Variants in PAPSS1 observed in about 807,000 individuals in gnomAD.
PAPSS1 encodes the protein 3'-phosphoadenosine 5'-phosphosulfate synthase 1, also known as bifunctional 3'-phosphoadenosine 5'-phosphosulfate synthase 1.
PAPSS1 carries 50 observed loss-of-function variants against 72.0 expected under a neutral mutation model. The observed-to-expected ratio is 0.69, with a 90% CI of 0.55 to 0.88. The LOEUF (loss-of-function observed/expected upper bound fraction) is 0.88, where lower values mean the gene tolerates loss of function less well. Ranked by LOEUF, PAPSS1 falls within the 40% of genes least tolerant of loss-of-function variation. The pLI is 0.00. For missense variants in PAPSS1, 657 were observed against 782.2 expected, an observed-to-expected ratio of 0.84 and a Z score of 1.91; for synonymous variants, 261 against 263.6, an observed-to-expected ratio of 0.99 and a Z score of 0.09.
At chr4:107,621,874 C>T (rs780317828) in intron 11 of PAPSS1, among the ~76,000 whole-genome samples, 48 of 151,806 alleles carry the variant, frequency 3.2e-4, no homozygotes, top group Non-Finnish European at 3.2e-4. Flanking sequence ...GTAATCCACC[C>T]GCCTGAGCCT....
In PAPSS1 at chr4:107,660,076, T is replaced by C. The variant is rs78205830; in HGVS notation, c.670-4A>G. ...ATGCATCCACAGGTACAATATCCTA[T>C]ATAACAACAGGAGTACAATTTAAAT... On this transcript the variant is annotated splice_polypyrimidine_tract_variant and splice_region_variant and intron_variant, in intron 5 of 11. Coordinates refer to ENST00000265174, the MANE Select transcript of PAPSS1 (RefSeq NM_005443.5). 3.5e-4 allele frequency: 463 copies of C among 1,335,426 alleles called. No homozygotes were observed. The African/African-American group carries it at 5.2e-3, about 15-fold the overall frequency. The allele number at this position is 1,335,426 out of a possible 1,614,324, so 82.7% of individuals were successfully genotyped here.
At position 107,659,992 on chromosome 4, in the gene PAPSS1, A is replaced by G; in HGVS notation, c.750T>C (p.Asp250=). 6.2e-7 allele frequency: 1 copy of G among 1,605,624 alleles called. No homozygotes were observed. The highest frequency in any genetic ancestry group is 1.3e-5 in the African/African-American group (1 of 74,794). ...TTTTCAGTGCTGGTAATGTTTCCGCATCTGTTTTTGCCAAATGAAGTTTAT... is the reference window on the plus strand; with the variant it reads ...TTTTCAGTGCTGGTAATGTTTCCGCGTCTGTTTTTGCCAAATGAAGTTTAT... ...PENKLHLAKT[D]AETLPALKIN... Residue 250 remains aspartate, a synonymous_variant, in exon 6 of 12, where the codon GAT becomes GAC. Coordinates refer to ENST00000265174, the MANE Select transcript of PAPSS1 (RefSeq NM_005443.5).
Position 107,687,144 on chromosome 4 carries a change from C to T in PAPSS1, c.445G>A (p.Ala149Thr). 1 of 1,591,978 alleles carries T rather than the reference C, an allele frequency of 6.3e-7. No individual in the cohort carries two copies. Among genetic ancestry groups the T allele is most frequent in the East Asian group, 2.3e-5 (1 of 43,842 alleles). Residue 149 changes from alanine to threonine, a missense_variant, in exon 4 of 12, where the codon GCA becomes ACA. By Grantham distance (58) the Ala-to-Thr change is moderately conservative. This residue lies in a region of PAPSS1 where 119 missense variants were observed against 171.1 expected (regional missense o/e 0.70). Coordinates refer to ENST00000265174, the MANE Select transcript of PAPSS1 (RefSeq NM_005443.5). ...AATACTTCAAAAAACGGTAAACTTGCACCTTCATGAATTTGCCTTGCATTG... is the reference window on the plus strand; with the variant it reads ...AATACTTCAAAAAACGGTAAACTTGTACCTTCATGAATTTGCCTTGCATTG... ...RNNARQIHEGASLPFFEVFVD... is the reference protein window; with the variant it reads ...RNNARQIHEGTSLPFFEVFVD...
intron 9 of PAPSS1, among the ~76,000 whole-genome samples, chr4:107,645,409 CATAG>C (rs1214129080): frequency 1.3e-5 from 2 of 152,102 alleles, no homozygotes; most frequent in Non-Finnish European, 2.9e-5. Context: ...CACTGCTTAC[CATAG>C]ATAAACATTT....
intron 4 of PAPSS1, among the ~76,000 whole-genome samples, chr4:107,682,470 G>A (rs796598170): frequency 2.9e-4 from 44 of 152,282 alleles, no homozygotes; most frequent in African/African-American, 9.6e-4. Context: ...AACTGTGTCA[G>A]GTGTGTCGGA....
intron 11 of PAPSS1, 131 bp downstream of exon 11, chr4:107,631,500 T>G: frequency 1.6e-6 from 1 of 607,624 alleles, no homozygotes; most frequent in East Asian, 2.8e-5. Flanking sequence ...ATTACTTTTC[T>G]GGGTTTACCT....
In PAPSS1 at chr4:107,656,863, A is replaced by G. The variant is rs753252984; in HGVS notation, c.895+33T>C. 1.2e-5 allele frequency: 17 copies of G among 1,380,610 alleles called. No homozygotes were observed. In the African/African-American group the frequency reaches 1.3e-4, roughly 10 times the overall value. 85.5% of individuals were successfully genotyped at this position (1,380,610 alleles called of 1,614,324 possible). A position where few individuals can be genotyped will look rare whatever the true frequency, so the allele number is the denominator to read the frequency against. Reference sequence around the variant, plus strand: ...TGCAACTATGTAATTTCTCTTCCACATACAATATAATTTTGAATGTAAAAT... The same window carrying G: ...TGCAACTATGTAATTTCTCTTCCACGTACAATATAATTTTGAATGTAAAAT... On this transcript the variant is annotated intron_variant, in intron 7 of 11. Transcript: ENST00000265174.
At chr4:107,681,931 A>C (rs1025896632) in intron 5 of PAPSS1, 84 bp downstream of exon 5, 4 of 717,008 alleles carry the variant, frequency 5.6e-6, no homozygotes, top group African/African-American at 5.3e-5. Flanking sequence ...CTCAATATTA[A>C]CACCACCATT....
chr4:107,634,340 A>G (rs935266006), intron 10 of PAPSS1, among the ~76,000 whole-genome samples: 3 of 152,150 alleles, frequency 2.0e-5, no homozygotes, highest in Admixed American at 2.0e-4. Context: ...AAAAATAACA[A>G]ATACATACAT....
intron 1 of PAPSS1, among the ~76,000 whole-genome samples, chr4:107,702,647 T>G (rs1723234549): frequency 6.6e-6 from 1 of 152,156 alleles, no homozygotes; most frequent in Non-Finnish European, 1.5e-5. Flanking sequence ...CACTTAACAT[T>G]TTATCATCCA....
intron 5 of PAPSS1, among the ~76,000 whole-genome samples, chr4:107,661,278 T>C (rs1361353265): frequency 6.6e-6 from 1 of 152,212 alleles, no homozygotes; most frequent in Non-Finnish European, 1.5e-5. Flanking sequence ...ACAGCTACTT[T>C]GGAAAACATT....
chr4:107,695,630 T>C (rs185996834), intron 2 of PAPSS1, among the ~76,000 whole-genome samples: 38 of 152,308 alleles, frequency 2.5e-4, no homozygotes, highest in East Asian at 2.1e-3. Flanking sequence ...TATGGGTTTG[T>C]CATGAATAGC....
chr4:107,671,828 T>C (rs1292550981), intron 5 of PAPSS1, among the ~76,000 whole-genome samples: 1 of 152,208 alleles, frequency 6.6e-6, no homozygotes, highest in East Asian at 1.9e-4. Context: ...TTGTATTCTT[T>C]TTAAAATTGT....
intron 11 of PAPSS1, among the ~76,000 whole-genome samples, chr4:107,626,430 A>G (rs923643837): frequency 2.6e-5 from 4 of 152,206 alleles, no homozygotes; most frequent in Admixed American, 2.6e-4. Context: ...TACAAATAAG[A>G]TAACTGAATT....
At chr4:107,628,768 GCTACA>G (rs1560565162) in intron 11 of PAPSS1, among the ~76,000 whole-genome samples, 1 of 152,162 alleles carries the variant, frequency 6.6e-6, no homozygotes, top group Non-Finnish European at 1.5e-5. Context: ...AATGCAAAGA[GCTACA>G]CATTTTGGGC....
intron 1 of PAPSS1, among the ~76,000 whole-genome samples, chr4:107,715,410 C>T (rs1723606855): frequency 6.6e-6 from 1 of 152,124 alleles, no homozygotes; most frequent in African/African-American, 2.4e-5. Context: ...AGACCAATGC[C>T]TGCCCCTGAC....
At chr4:107,652,523 C>A (rs537437100) in intron 9 of PAPSS1, among the ~76,000 whole-genome samples, 1 of 152,156 alleles carries the variant, frequency 6.6e-6, no homozygotes, top group Non-Finnish European at 1.5e-5. Flanking sequence ...CTATTCCGCT[C>A]TTAAATAACT....
At chr4:107,636,089 G>A (rs1726372481) in intron 10 of PAPSS1, among the ~76,000 whole-genome samples, 4 of 152,272 alleles carry the variant, frequency 2.6e-5, no homozygotes, top group East Asian at 1.9e-4. Flanking sequence ...TAAGATATCC[G>A]AAAGTCAAGA....
At chr4:107,717,276 A>C (rs1195208798) in intron 1 of PAPSS1, among the ~76,000 whole-genome samples, 1 of 152,128 alleles carries the variant, frequency 6.6e-6, no homozygotes, top group Non-Finnish European at 1.5e-5. Context: ...TACATGGCTC[A>C]TATTTCCTCT....
Sources: allele counts gnomAD v4.1 joint callset (sites outside exome capture counted in the v4.1 genomes callset), GRCh38; gene constraint gnomAD v4.1.1; regional missense constraint gnomAD v4.1.1; transcripts MANE v1.5; gene names NCBI Gene and HGNC (gene_info 2026-07-23, HGNC 2026-07-21).